The following GLB1 variants were observed in gnomAD, a reference collection of about 807,000 sequenced individuals.
GLB1 encodes the protein beta-galactosidase.
In GLB1, 56 loss-of-function variants were observed where a neutral mutation model predicts 74.0. That is an observed-to-expected ratio of 0.76 (90% CI 0.61 to 0.94). The LOEUF is 0.94. Among genes scored for constraint, GLB1 ranks in the 40% least tolerant of loss-of-function variants. The pLI is 0.00. For missense variants in GLB1, 787 were observed against 845.5 expected, an observed-to-expected ratio of 0.93 and a Z score of 0.86; for synonymous variants, 323 against 323.6, an observed-to-expected ratio of 1.00 and a Z score of 0.02.
At chr3:33,018,404 C>T (rs777113164) in intron 13 of GLB1, 44 bp downstream of exon 13, 28 of 1,593,478 alleles carry the variant, frequency 1.8e-5, no homozygotes, top group Non-Finnish European at 2.2e-5. Context: ...TGCTCATCCC[C>T]ACCCTCACTG....
intron 10 of GLB1, chr3:33,030,470 C>T: frequency 1.0e-6 from 1 of 981,006 alleles, no homozygotes; most frequent in Non-Finnish European, 1.2e-6. Flanking sequence ...TCATCTGTAA[C>T]CATCAGACAT....
the GLB1 span, among the ~76,000 whole-genome samples, chr3:32,986,809 A>G: frequency 6.6e-6 from 1 of 151,960 alleles, no homozygotes; most frequent in Non-Finnish European, 1.5e-5. Context: ...CAGGCTGGTC[A>G]TGAATTCCTG....
At chr3:33,064,884 A>G (rs76861076) in intron 5 of GLB1, among the ~76,000 whole-genome samples, 14,212 of 152,006 alleles carry the variant, frequency 0.093, 790 homozygotes, top group Non-Finnish European at 0.12. Context: ...AAAAACTGTT[A>G]AAGTTCAATG....
In GLB1 at chr3:33,092,413, C is replaced by T. The variant is rs920099651; in HGVS notation, c.75+4598G>A. 4.0e-6 allele frequency: 4 copies of T among 994,068 alleles called. No homozygotes were observed. In the African/African-American group the frequency reaches 7.0e-5, roughly 17 times the overall value. 61.6% of individuals were successfully genotyped at this position (994,068 alleles called of 1,614,324 possible). On this transcript the variant is annotated intron_variant, in intron 1 of 15. Coordinates refer to ENST00000307363, the MANE Select transcript of GLB1 (RefSeq NM_000404.4). ...GGCTCTGGATCAATGATTCTGGAAACCACTTAAGTCCTAAAGACAATTTTA... is the reference window on the plus strand; with the variant it reads ...GGCTCTGGATCAATGATTCTGGAAATCACTTAAGTCCTAAAGACAATTTTA...
intron 13 of GLB1, among the ~76,000 whole-genome samples, chr3:33,018,035 G>C (rs1267353792): frequency 1.3e-5 from 2 of 152,082 alleles, no homozygotes; most frequent in Non-Finnish European, 2.9e-5. Flanking sequence ...TGTAATCCCA[G>C]CAATTTGGGA....
chr3:33,093,859 G>A lies in GLB1; in HGVS notation c.75+3152C>T. ...CAGGAGTAGGCCGCCAAGGAAAAGA[G>A]ATAGGGCTCTTCGGCCACTAAAAAG... On this transcript the variant is annotated intron_variant, in intron 1 of 15. Transcript: ENST00000307363. The surrounding 1 kb of genome is among the most constrained non-coding windows in gnomAD (Gnocchi z 6.0). 1 of 1,613,764 alleles carries A rather than the reference G, an allele frequency of 6.2e-7. No individual in the cohort carries two copies. Among genetic ancestry groups the A allele is most frequent in the Non-Finnish European group, 8.5e-7 (1 of 1,179,834 alleles).
chr3:33,064,506 G>A (rs1243277899), intron 5 of GLB1, among the ~76,000 whole-genome samples: 1 of 148,212 alleles, frequency 6.7e-6, no homozygotes, highest in Non-Finnish European at 1.5e-5. Flanking sequence ...GCCGGGCACG[G>A]TGGCTCACGC....
intron 10 of GLB1, among the ~76,000 whole-genome samples, chr3:33,043,771 G>GAAAGATACCTCAGAAAAATACCATGCA (rs1698604283): frequency 2.4e-5 from 2 of 82,258 alleles, no homozygotes; most frequent in Admixed American, 1.2e-4. Context: ...ACAGCATTGG[G>GAAAGATACCTCAGAAAAATACCATGCA]AAAGATACCT....
At chr3:33,033,900 A>C in intron 10 of GLB1, 1 of 536,104 alleles carries the variant, frequency 1.9e-6, no homozygotes, top group South Asian at 1.5e-5. Context: ...ACCTCCCATA[A>C]GGATATGATT....
the GLB1 span, among the ~76,000 whole-genome samples, chr3:32,965,240 AAGAC>A: frequency 1.3e-5 from 2 of 152,218 alleles, no homozygotes; most frequent in Non-Finnish European, 2.9e-5. Flanking sequence ...GGCTCAGAAG[AAGAC>A]AGGAAGATGT....
chr3:33,096,934 G>A (rs1701057129), intron 1 of GLB1, 77 bp downstream of exon 1: 1 of 1,556,070 alleles, frequency 6.4e-7, no homozygotes, highest in African/African-American at 1.4e-5. Flanking sequence ...GACCGCGGGT[G>A]GCTGCGACCC....
At chr3:33,086,668 TTAGCTCTATGA>T (rs1166965650) in intron 1 of GLB1, among the ~76,000 whole-genome samples, 1 of 152,178 alleles carries the variant, frequency 6.6e-6, no homozygotes, top group East Asian at 1.9e-4. Context: ...TTAGAGAGCT[TTAGCTCTATGA>T]GCTCACAGAA....
At chr3:33,070,391 A>AG (rs35419837) in intron 2 of GLB1, among the ~76,000 whole-genome samples, 42 of 152,126 alleles carry the variant, frequency 2.8e-4, no homozygotes, top group Non-Finnish European at 3.2e-4. Flanking sequence ...CATAAACCAC[A>AG]GGACACATAG....
intron 11 of GLB1, 105 bp downstream of exon 11, chr3:33,024,145 TA>T: frequency 7.6e-7 from 1 of 1,316,826 alleles, no homozygotes; most frequent in Non-Finnish European, 1.0e-6. Flanking sequence ...CGCAGAAAAA[TA>T]ACGAACCAAT....
At chr3:33,074,225 C>T (rs774730628) in intron 1 of GLB1, among the ~76,000 whole-genome samples, 1 of 149,810 alleles carries the variant, frequency 6.7e-6, no homozygotes, top group African/African-American at 2.5e-5. Context: ...CAGGAGCATC[C>T]CTGGAACCGG....
chr3:33,085,295 CGAG>C (rs979883278), intron 1 of GLB1, among the ~76,000 whole-genome samples: 21 of 123,820 alleles, frequency 1.7e-4, no homozygotes, highest in Non-Finnish European at 3.2e-4. Flanking sequence ...AAAAAAAAAG[CGAG>C]AGAGAGAGAA....
chr3:33,054,314 C>T (rs1302727089), intron 6 of GLB1, among the ~76,000 whole-genome samples: 1 of 152,172 alleles, frequency 6.6e-6, no homozygotes, highest in Admixed American at 6.5e-5. Context: ...GCCTGGAATA[C>T]TTCCAAGCTA....
At chr3:33,091,696 A>C in intron 1 of GLB1, 1 of 985,278 alleles carries the variant, frequency 1.0e-6, no homozygotes, top group Non-Finnish European at 1.2e-6. Context: ...AGGGAAAGTC[A>C]CCCACCCAAC....
intron 15 of GLB1, among the ~76,000 whole-genome samples, chr3:33,005,270 T>C (rs974300235): frequency 6.6e-6 from 1 of 152,188 alleles, no homozygotes; most frequent in African/African-American, 2.4e-5. Context: ...TTTAGGGCCC[T>C]GGAACCAGGG....
Sources: gnomAD v4.1 joint callset for allele counts (sites outside exome capture counted in the v4.1 genomes callset) on GRCh38, gnomAD v4.1.1 for gene constraint, Gnocchi (gnomAD v3.1) non-coding constraint, MANE v1.5 for transcripts, NCBI Gene and HGNC (gene_info 2026-07-23, HGNC 2026-07-21) for gene names.